USH2A: variants seen among roughly 807,000 people sequenced by gnomAD.
The protein encoded by USH2A is usherin.
USH2A carries 443 observed loss-of-function variants against 538.9 expected under a neutral mutation model. The observed-to-expected ratio is 0.82, with a 90% CI of 0.76 to 0.89. The LOEUF (loss-of-function observed/expected upper bound fraction) is 0.89, where lower values mean the gene tolerates loss of function less well. Among genes scored for constraint, USH2A ranks in the 40% least tolerant of loss-of-function variants. The pLI is 0.00. For missense variants in USH2A, 6,633 were observed against 6,324.8 expected, an observed-to-expected ratio of 1.05 and a Z score of -1.65; for synonymous variants, 2,413 against 2,273.5, an observed-to-expected ratio of 1.06 and a Z score of -1.75.
chr1:216,413,498 G>A (rs1477953493), intron 3 of USH2A, among the ~76,000 whole-genome samples: 1 of 152,020 alleles, frequency 6.6e-6, no homozygotes, highest in Non-Finnish European at 1.5e-5. Context: ...ATTGCATTTT[G>A]TTTTCCTCCA....
intron 70 of USH2A, among the ~76,000 whole-genome samples, chr1:215,629,875 ACGC>A (rs1286636770): frequency 1.4e-5 from 2 of 144,038 alleles, no homozygotes; most frequent in Non-Finnish European, 3.0e-5. Context: ...TCCCGGGTTC[ACGC>A]CATTCTCCTG....
intron 30 of USH2A, among the ~76,000 whole-genome samples, chr1:216,057,467 C>T (rs560738832): frequency 6.6e-6 from 1 of 152,014 alleles, no homozygotes; most frequent in African/African-American, 2.4e-5. Context: ...ATCAGCCTGA[C>T]CAATATAGTG....
chr1:216,349,819 A>C (rs1003486563), intron 4 of USH2A, among the ~76,000 whole-genome samples: 6 of 152,128 alleles, frequency 3.9e-5, no homozygotes, highest in Non-Finnish European at 7.4e-5. Context: ...TTATTCCTTT[A>C]CTGTCTTAAT....
At chr1:215,666,100 T>C (rs1460232784) in intron 64 of USH2A, among the ~76,000 whole-genome samples, 2 of 152,230 alleles carry the variant, frequency 1.3e-5, no homozygotes, top group Admixed American at 1.3e-4. Flanking sequence ...TTATTAAAGC[T>C]AATCCTCCAG....
chr1:215,844,597 C>T (rs1326872160), intron 45 of USH2A, 101 bp from the exon 46 acceptor site: 12 of 1,224,736 alleles, frequency 9.8e-6, no homozygotes, highest in East Asian at 4.9e-5. Flanking sequence ...AAGGGTTCCT[C>T]GCTTATCTGC....
chr1:216,182,153 T>C (rs1375292957), intron 20 of USH2A, among the ~76,000 whole-genome samples: 1 of 152,122 alleles, frequency 6.6e-6, no homozygotes, highest in African/African-American at 2.4e-5. Context: ...AGAAGAAAGA[T>C]ACAGTTTGTA....
At chr1:216,256,170 CT>C in intron 11 of USH2A, among the ~76,000 whole-genome samples, 1 of 151,994 alleles carries the variant, frequency 6.6e-6, no homozygotes, top group East Asian at 1.9e-4. Context: ...TTAAGTTGTA[CT>C]TTTTCCTTTT....
chr1:215,755,263 G>T (rs1660756035), intron 58 of USH2A, among the ~76,000 whole-genome samples: 1 of 152,138 alleles, frequency 6.6e-6, no homozygotes, highest in African/African-American at 2.4e-5. Flanking sequence ...GCTCATTCAG[G>T]TTTGGGAACT....
rs2034946188 is a variant in USH2A at position 216,199,989 on chromosome 1, C to T, written c.3449G>A (p.Gly1150Glu). 6 of 1,614,102 alleles carry T rather than the reference C, an allele frequency of 3.7e-6. No homozygotes were observed. Among genetic ancestry groups the T allele is most frequent in the Non-Finnish European group, 5.1e-6 (6 of 1,180,000 alleles). The change falls in exon 17 of 72, where the codon GGA becomes GAA. Residue 1150 changes from glycine (G) to glutamate (E), a missense_variant. Gly to Glu is a moderately conservative substitution (Grantham distance 98, BLOSUM62 -2). Coordinates refer to ENST00000307340, the MANE Select transcript of USH2A (RefSeq NM_206933.4). The part of the protein sequence containing the change: ...TYKTKPGVPE[G>E]NLTLSYIIPI... ...AATGATATAACTTAAAGTCAAGTTT[C>T]CCTCTGGGACCCCTGGTTTTGTCTT...
chr1:216,309,579 G>A (rs536711355), intron 9 of USH2A, among the ~76,000 whole-genome samples: 26 of 151,914 alleles, frequency 1.7e-4, no homozygotes, highest in African/African-American at 5.3e-4. Flanking sequence ...TTCCTAATAC[G>A]TTGTTGAAAA....
At chr1:216,110,363 A>G (rs2032837851) in intron 21 of USH2A, among the ~76,000 whole-genome samples, 1 of 152,130 alleles carries the variant, frequency 6.6e-6, no homozygotes, top group Non-Finnish European at 1.5e-5. Context: ...AAAACTAACA[A>G]CAAATACTAG....
chr1:216,320,925 T>C (rs1282866122), intron 9 of USH2A, among the ~76,000 whole-genome samples: 2 of 152,142 alleles, frequency 1.3e-5, no homozygotes, highest in African/African-American at 2.4e-5. Context: ...TAAATATTTA[T>C]ATAACAGAAT....
At chr1:215,933,513 A>G (rs1204221045) in intron 38 of USH2A, among the ~76,000 whole-genome samples, 4 of 152,156 alleles carry the variant, frequency 2.6e-5, no homozygotes, top group Non-Finnish European at 5.9e-5. Flanking sequence ...GTAAACATCA[A>G]TTCATTAATT....
chr1:216,298,592 G>C (rs1026857184), intron 9 of USH2A, among the ~76,000 whole-genome samples: 1 of 152,030 alleles, frequency 6.6e-6, no homozygotes, highest in African/African-American at 2.4e-5. Context: ...TTCTTTTGTG[G>C]AGAAAAAAAC....
In USH2A at chr1:215,782,941, AAG is replaced by A; in HGVS notation, c.10388-8_10388-7del. ...GTAGGGCTTGAGGTTCACATCTGGAAAGAGAAAAAATAGACAGGGAAGTTTCT... is the reference window on the plus strand; with the variant it reads ...GTAGGGCTTGAGGTTCACATCTGGAAAGAAAAAATAGACAGGGAAGTTTCT... On this transcript the variant is annotated splice_region_variant and splice_polypyrimidine_tract_variant and intron_variant, in intron 52 of 71. Coordinates refer to ENST00000307340, the MANE Select transcript of USH2A (RefSeq NM_206933.4). 1 of 1,612,174 alleles carries A rather than the reference AAG, an allele frequency of 6.2e-7. No homozygotes were observed. The highest frequency in any genetic ancestry group is 8.5e-7 in the Non-Finnish European group (1 of 1,179,056).
chr1:216,201,539 C>T (rs1280333809), intron 16 of USH2A: 1 of 152,588 alleles, frequency 6.6e-6, no homozygotes, highest in African/African-American at 2.4e-5. Flanking sequence ...GTCTTGAACC[C>T]CTGGGCTCAA....
Position 215,971,768 on chromosome 1 carries a change from G to A in USH2A, c.6806-992C>T, listed in dbSNP as rs75269075. Among the ~76,000 whole-genome samples, 100 of 152,080 alleles carry A rather than the reference G, an allele frequency of 6.6e-4. No homozygotes were observed. The East Asian group carries it at 0.017, about 26-fold the overall frequency. ...ATTTGTATATTGTAGCCAATTTTCCGTCCTCCTTTCCCCATTGATTCATGT... is the reference window on the plus strand; with the variant it reads ...ATTTGTATATTGTAGCCAATTTTCCATCCTCCTTTCCCCATTGATTCATGT... On this transcript the variant is annotated intron_variant, in intron 35 of 71. Transcript: ENST00000307340.
chr1:216,081,974 A>C (rs984371548), intron 26 of USH2A, among the ~76,000 whole-genome samples: 1 of 151,868 alleles, frequency 6.6e-6, no homozygotes, highest in Non-Finnish European at 1.5e-5. Flanking sequence ...CAAAGCAATG[A>C]ATAGAGGAAG....
Position 216,043,429 on chromosome 1 carries a change from GA to G in USH2A, c.6325+3001del, listed in dbSNP as rs939742724. Among the ~76,000 whole-genome samples, 957 of 149,694 alleles carry G rather than the reference GA, an allele frequency of 6.4e-3. 9 individuals are homozygous for G. The highest frequency in any genetic ancestry group is 8.2e-3 in the Non-Finnish European group (553 of 67,250). On this transcript the variant is annotated intron_variant, in intron 32 of 71. Coordinates refer to ENST00000307340, the MANE Select transcript of USH2A (RefSeq NM_206933.4). ...ATGAAATGCCAAGAAAGCTACAGCA[GA>G]AAAAAAAATGCTATGGGTAGTATTG...
Sources: allele counts gnomAD v4.1 joint callset (sites outside exome capture counted in the v4.1 genomes callset), GRCh38; gene constraint gnomAD v4.1.1; transcripts MANE v1.5; gene names NCBI Gene and HGNC (gene_info 2026-07-23, HGNC 2026-07-21).